RAPGEF2: variants seen among roughly 807,000 people sequenced by gnomAD.
The protein encoded by RAPGEF2 is Rap guanine nucleotide exchange factor 2, also known as PDZ domain containing guanine nucleotide exchange factor (GEF) 1.
RAPGEF2 carries 54 observed loss-of-function variants against 186.7 expected under a neutral mutation model. The ratio of observed to expected loss-of-function variants is 0.29; its 90% confidence interval spans 0.23 to 0.36. RAPGEF2 has a LOEUF of 0.36. Ranked by LOEUF, RAPGEF2 falls within the 10% of genes least tolerant of loss-of-function variation. The pLI is 1.00. For synonymous variants in RAPGEF2, 712 were observed against 705.9 expected (o/e 1.01, Z -0.14); for missense variants, 1,532 against 2,045.0 (o/e 0.75, Z 4.84).
At chr4:159,233,887 TG>T (rs1253300832) in intron 4 of RAPGEF2, among the ~76,000 whole-genome samples, 2 of 152,186 alleles carry the variant, frequency 1.3e-5, no homozygotes, top group African/African-American at 4.8e-5. Context: ...CCTTTTGGCC[TG>T]AGTACCACAC....
intron 1 of RAPGEF2, among the ~76,000 whole-genome samples, chr4:159,133,687 C>T (rs999634333): frequency 6.6e-6 from 1 of 151,154 alleles, no homozygotes; most frequent in Non-Finnish European, 1.5e-5. Flanking sequence ...GGGTTCATGC[C>T]ATTCTCCTGC....
At chr4:159,132,226 C>T (rs1324782382) in intron 1 of RAPGEF2, among the ~76,000 whole-genome samples, 1 of 152,172 alleles carries the variant, frequency 6.6e-6, no homozygotes, top group Non-Finnish European at 1.5e-5. Context: ...GGTTATCTAG[C>T]TCTAACACCA....
chr4:159,248,490 A>G (rs1292906175), intron 7 of RAPGEF2, among the ~76,000 whole-genome samples: 1 of 152,108 alleles, frequency 6.6e-6, no homozygotes, highest in East Asian at 1.9e-4. Flanking sequence ...ACCCTAAATT[A>G]TGTTGCATTT....
chr4:159,302,529 C>T (rs893940697), intron 7 of RAPGEF2, among the ~76,000 whole-genome samples: 18 of 151,992 alleles, frequency 1.2e-4, no homozygotes, highest in Non-Finnish European at 2.2e-4. Flanking sequence ...GTAGCTAAGA[C>T]GATGAAGGGT....
intron 4 of RAPGEF2, among the ~76,000 whole-genome samples, chr4:159,235,898 T>G (rs1229237528): frequency 2.0e-5 from 3 of 152,228 alleles, no homozygotes; most frequent in African/African-American, 7.2e-5. Context: ...TTATAGCTTC[T>G]GGTTTGTGAG....
At chr4:159,321,313 C>T (rs1765207141) in intron 9 of RAPGEF2, among the ~76,000 whole-genome samples, 1 of 151,818 alleles carries the variant, frequency 6.6e-6, no homozygotes, top group Non-Finnish European at 1.5e-5. Flanking sequence ...CTCAAGCAAT[C>T]CTCCCACCTC....
intron 7 of RAPGEF2, among the ~76,000 whole-genome samples, chr4:159,284,580 T>A (rs1760199907): frequency 6.6e-6 from 1 of 151,756 alleles, no homozygotes; most frequent in African/African-American, 2.4e-5. Context: ...ACGCAGTGCC[T>A]GACTCCTCTG....
intron 1 of RAPGEF2, among the ~76,000 whole-genome samples, chr4:159,181,017 T>C (rs1237910299): frequency 6.6e-6 from 1 of 152,240 alleles, no homozygotes; most frequent in East Asian, 1.9e-4. Context: ...TACATTCATA[T>C]TCAAAATTGT....
intron 1 of RAPGEF2, among the ~76,000 whole-genome samples, chr4:159,112,691 C>T (rs1738626896): frequency 6.6e-6 from 1 of 152,074 alleles, no homozygotes; most frequent in African/African-American, 2.4e-5. Context: ...AATAGAAAAT[C>T]ACCAGCAGGT....
At chr4:159,163,968 G>A (rs994232451) in intron 1 of RAPGEF2, among the ~76,000 whole-genome samples, 2 of 151,640 alleles carry the variant, frequency 1.3e-5, no homozygotes, top group African/African-American at 4.8e-5. Flanking sequence ...TTCAAAGTTT[G>A]TTGGGTAGAT....
At chr4:159,134,187 T>C (rs1028144274) in intron 1 of RAPGEF2, among the ~76,000 whole-genome samples, 10 of 152,168 alleles carry the variant, frequency 6.6e-5, no homozygotes, top group African/African-American at 2.2e-4. Flanking sequence ...TCTATCCTTA[T>C]AGTTTTGCCT....
In RAPGEF2 at chr4:159,133,475, G is replaced by A. The variant is rs147544081; in HGVS notation, c.69+29244G>A. On this transcript the variant is annotated intron_variant, in intron 1 of 29. Coordinates refer to ENST00000691494, the MANE Select transcript of RAPGEF2 (RefSeq NM_001394067.2). ...TTCCCAGGCTGGAGTGTAGTGGTGC[G>A]ATCTCAGCTCACTGCACCCTCCACC... is the stretch of plus-strand genomic sequence containing the variant. Among the ~76,000 whole-genome samples, 27 of 150,988 alleles carry A rather than the reference G, an allele frequency of 1.8e-4. No individual in the cohort carries two copies. The East Asian group carries it at 5.1e-3, about 28-fold the overall frequency.
intron 1 of RAPGEF2, among the ~76,000 whole-genome samples, chr4:159,112,545 G>A (rs1167952296): frequency 6.6e-6 from 1 of 151,938 alleles, no homozygotes; most frequent in Non-Finnish European, 1.5e-5. Flanking sequence ...TGACAGTAAC[G>A]GACTATAACC....
At chr4:159,332,094 A>G in intron 16 of RAPGEF2, 60 bp downstream of exon 16, 1 of 1,107,806 alleles carries the variant, frequency 9.0e-7, no homozygotes, top group South Asian at 1.5e-5. Context: ...AGTATTTCAA[A>G]CATCATAAGA....
At chr4:159,344,867 A>T (rs1730064992) in intron 23 of RAPGEF2, among the ~76,000 whole-genome samples, 1 of 152,218 alleles carries the variant, frequency 6.6e-6, no homozygotes, top group African/African-American at 2.4e-5. Context: ...TGAAAAGTAG[A>T]ATTTCCTAGT....
chr4:159,206,911 G>A (rs937360307), intron 3 of RAPGEF2, among the ~76,000 whole-genome samples: 1 of 152,182 alleles, frequency 6.6e-6, no homozygotes, highest in African/African-American at 2.4e-5. Flanking sequence ...TGTAAAATAA[G>A]AGTCACTGTT....
chr4:159,261,041 C>T (rs1437673282), intron 7 of RAPGEF2, among the ~76,000 whole-genome samples: 1 of 151,864 alleles, frequency 6.6e-6, no homozygotes, highest in East Asian at 1.9e-4. Context: ...AGGCGTGAGC[C>T]ACTGTGCCCC....
chr4:159,335,835 CAAA>C (rs778302629), intron 17 of RAPGEF2, among the ~76,000 whole-genome samples: 21 of 48,162 alleles, frequency 4.4e-4, no homozygotes, highest in Middle Eastern at 8.6e-3. Flanking sequence ...GACTCCGTCT[CAAA>C]AAAAAAAAAA....
Position 159,255,863 on chromosome 4 carries a change from C to T in RAPGEF2, c.543+12072C>T, listed in dbSNP as rs1299473270. Among the ~76,000 whole-genome samples, 6 of 152,152 alleles carry T rather than the reference C, an allele frequency of 3.9e-5. No homozygotes were observed. The East Asian group carries it at 1.2e-3, about 29-fold the overall frequency. On this transcript the variant is annotated intron_variant, in intron 7 of 29. Transcript: ENST00000691494. ...TATATACTTTTAAATTTTTGTCGAA[C>T]AGATTTTAAGTTTGCTTTATGTCTT...
Sources: allele counts gnomAD v4.1 joint callset (sites outside exome capture counted in the v4.1 genomes callset), GRCh38; gene constraint gnomAD v4.1.1; transcripts MANE v1.5; gene names NCBI Gene and HGNC (gene_info 2026-07-23, HGNC 2026-07-21).